Variants in SHROOM3 observed in about 807,000 individuals in gnomAD.
SHROOM3 encodes the protein protein Shroom3.
SHROOM3 carries 47 observed loss-of-function variants against 138.6 expected under a neutral mutation model. That is an observed-to-expected ratio of 0.34 (90% CI 0.27 to 0.43). The LOEUF (loss-of-function observed/expected upper bound fraction) is 0.43, where lower values mean the gene tolerates loss of function less well. SHROOM3 is among the 20% of genes least tolerant of loss of function. The probability of loss-of-function intolerance (pLI) is 1.00; values close to 1 mark genes in which losing one functional copy is unlikely to be tolerated. For synonymous variants in SHROOM3, 1,062 were observed against 1,063.3 expected (o/e 1.00, Z 0.02); for missense variants, 2,491 against 2,596.5 (o/e 0.96, Z 0.88).
At chr4:76,658,999 G>C (rs529034161) in intron 2 of SHROOM3, among the ~76,000 whole-genome samples, 4 of 148,194 alleles carry the variant, frequency 2.7e-5, no homozygotes, top group Non-Finnish European at 5.9e-5. Flanking sequence ...CACTGGTAAA[G>C]CCTTTTCAAA....
rs1465716603 is a variant in SHROOM3 at position 76,435,704 on chromosome 4, T to A, written c.-349T>A. The A allele has an allele frequency of 1.1e-5, 2 of 185,748 alleles. No homozygotes were observed. Among genetic ancestry groups the A allele is most frequent in the African/African-American group, 4.7e-5 (2 of 42,660 alleles). The allele number at this position is 185,748 out of a possible 1,614,324, so 11.5% of individuals were successfully genotyped here. ...GTAAAATAGGCAGAAATGGTTTTAG[T>A]GTGTGTATGTGTGAAATAAAAGCTC... On this transcript the variant is annotated 5_prime_UTR_variant, in exon 1 of 11. Coordinates refer to ENST00000296043, the MANE Select transcript of SHROOM3 (RefSeq NM_020859.4).
chr4:76,625,549 C>G (rs1577928215), intron 2 of SHROOM3, among the ~76,000 whole-genome samples: 1 of 151,218 alleles, frequency 6.6e-6, no homozygotes, highest in East Asian at 2.0e-4. Context: ...CCTCATTGCT[C>G]ACATCTCATC....
chr4:76,452,444 A>G (rs1194143229), intron 1 of SHROOM3, among the ~76,000 whole-genome samples: 1 of 152,332 alleles, frequency 6.6e-6, no homozygotes, highest in East Asian at 1.9e-4. Context: ...TGTCTTCATA[A>G]ACTTGATTAG....
In SHROOM3 at chr4:76,634,984, C is replaced by T. The variant is rs114379069; in HGVS notation, c.324-75172C>T. 7.2e-3 allele frequency among the ~76,000 whole-genome samples: 1,089 copies of T among 152,180 alleles called. 11 individuals carry two copies. The highest frequency in any genetic ancestry group is 0.025 in the African/African-American group (1,044 of 41,502). ...AGCAATAGCATCATTGTATTTACTCCACAGATATTTATTGAGCACCTACTG... is the reference window on the plus strand; with the variant it reads ...AGCAATAGCATCATTGTATTTACTCTACAGATATTTATTGAGCACCTACTG... On this transcript the variant is annotated intron_variant, in intron 2 of 10. Transcript: ENST00000296043.
chr4:76,748,664 A>G (rs1053464419), intron 5 of SHROOM3, among the ~76,000 whole-genome samples: 16 of 152,138 alleles, frequency 1.1e-4, no homozygotes, highest in African/African-American at 3.9e-4. Context: ...AGTTTGGCCC[A>G]TTGAATTCAT....
At chr4:76,725,904 T>C (rs1720690995) in intron 3 of SHROOM3, among the ~76,000 whole-genome samples, 1 of 152,160 alleles carries the variant, frequency 6.6e-6, no homozygotes, top group Non-Finnish European at 1.5e-5. Flanking sequence ...GACACTTGCT[T>C]GAACTTCTCA....
At chr4:76,586,578 C>T (rs975792952) in intron 2 of SHROOM3, 21 of 668,102 alleles carry the variant, frequency 3.1e-5, no homozygotes, top group Non-Finnish European at 3.7e-5. Flanking sequence ...GGAAGTTGTT[C>T]AAGTTAGGCC....
intron 1 of SHROOM3, among the ~76,000 whole-genome samples, chr4:76,450,561 T>A (rs1465877587): frequency 1.3e-5 from 2 of 152,230 alleles, no homozygotes; most frequent in East Asian, 3.8e-4. Flanking sequence ...AAGAAGGAAC[T>A]GAGTTACAAC....
chr4:76,696,410 C>T (rs1223075104), intron 2 of SHROOM3, among the ~76,000 whole-genome samples: 3 of 152,232 alleles, frequency 2.0e-5, no homozygotes, highest in Non-Finnish European at 4.4e-5. Context: ...CCTACTGAGC[C>T]AGGTCTGGCT....
At chr4:76,587,130 T>A (rs1230697383) in intron 2 of SHROOM3, 3 of 152,214 alleles carry the variant, frequency 2.0e-5, no homozygotes, top group African/African-American at 7.2e-5. Context: ...TTCTGATTAA[T>A]CCTTAACTAT....
intron 2 of SHROOM3, among the ~76,000 whole-genome samples, chr4:76,598,412 T>G (rs1249064924): frequency 2.0e-5 from 3 of 152,216 alleles, no homozygotes; most frequent in African/African-American, 4.8e-5. Context: ...GGAGGATGAT[T>G]GTCTTGATCT....
At chr4:76,608,781 T>C (rs948262713) in intron 2 of SHROOM3, among the ~76,000 whole-genome samples, 4 of 152,162 alleles carry the variant, frequency 2.6e-5, no homozygotes, top group African/African-American at 7.2e-5. Flanking sequence ...GGAAAACCCC[T>C]GCTTTACCAC....
At position 76,749,165 on chromosome 4, in the gene SHROOM3, A is replaced by G. The variant is rs536923676; in HGVS notation, c.3827+75A>G. 1.0e-5 allele frequency: 14 copies of G among 1,381,016 alleles called. No individual in the cohort carries two copies. The African/African-American group carries it at 2.0e-4, about 20-fold the overall frequency. 85.5% of individuals were successfully genotyped at this position (1,381,016 alleles called of 1,614,324 possible). ...TAAACTACTCTTGTTCCTTTCTACA[A>G]GAAATTGAAATGTGATGTCATATAG... On this transcript the variant is annotated intron_variant, in intron 6 of 10. Transcript: ENST00000296043.
intron 2 of SHROOM3, among the ~76,000 whole-genome samples, chr4:76,662,648 T>C (rs1048579497): frequency 6.6e-6 from 1 of 152,238 alleles, no homozygotes; most frequent in Non-Finnish European, 1.5e-5. Context: ...TAGCAGTCCA[T>C]GATGAAGTCC....
chr4:76,639,554 G>C (rs1662030645), intron 2 of SHROOM3: 1 of 398,678 alleles, frequency 2.5e-6, no homozygotes. Flanking sequence ...TTGCTGGCCT[G>C]TTGTGGATAT....
At chr4:76,747,009 G>A (rs569166872) in intron 5 of SHROOM3, among the ~76,000 whole-genome samples, 3 of 151,908 alleles carry the variant, frequency 2.0e-5, no homozygotes, top group South Asian at 2.1e-4. Flanking sequence ...TGGTAGAGAC[G>A]GGGTTTCACC....
chr4:76,741,320 C>G lies in SHROOM3; in HGVS notation c.3147C>G (p.Phe1049Leu). ...PLGPQRNGMR[F>L]PESSVADRRR... ...GCCCGCAGAGAAATGGGATGCGTTT[C>G]CCGGAGAGCAGCGTGGCCGACCGGC... is the stretch of plus-strand genomic sequence containing the variant. Residue 1049 changes from phenylalanine to leucine, a missense_variant, in exon 5 of 11, where the codon TTC becomes TTG. Around this residue, in one of 4 missense-constraint regions of SHROOM3, gnomAD observed 1,733 missense variants for 1,661.6 expected, o/e 1.04. Transcript: ENST00000296043. The surrounding 1 kb of genome is among the most constrained non-coding windows in gnomAD (Gnocchi z 6.2). 1.2e-6 allele frequency: 2 copies of G among 1,611,836 alleles called. No homozygotes were observed. The highest frequency in any genetic ancestry group is 2.2e-5 in the South Asian group (2 of 90,998).
At position 76,741,697 on chromosome 4, in the gene SHROOM3, C is replaced by T; in HGVS notation, c.3524C>T (p.Ala1175Val). The T allele has an allele frequency of 6.4e-7, 1 of 1,551,926 alleles. No homozygotes were observed. The highest frequency in any genetic ancestry group is 8.7e-7 in the Non-Finnish European group (1 of 1,149,688). The change falls in exon 5 of 11, where the codon GCC becomes GTC. Residue 1175 changes from alanine to valine, a missense_variant. Transcript: ENST00000296043. The surrounding 1 kb of genome is among the most constrained non-coding windows in gnomAD (Gnocchi z 6.2). ...QAPRDRSSSF[A>V]GGRRLGERRR... ...CCCCGAGATCGCAGCAGCTCCTTCG[C>T]CGGTGGCCGCCGCCTCGGGGAACGG...
chr4:76,689,472 G>T, intron 2 of SHROOM3: 1 of 961,604 alleles, frequency 1.0e-6, no homozygotes, highest in Non-Finnish European at 1.2e-6. Flanking sequence ...TCGGCGCGCC[G>T]CGCGGGATCA....
Sources: gnomAD v4.1 joint callset for allele counts (sites outside exome capture counted in the v4.1 genomes callset) on GRCh38, gnomAD v4.1.1 for gene constraint, gnomAD v4.1.1 regional missense constraint, Gnocchi (gnomAD v3.1) non-coding constraint, MANE v1.5 for transcripts, NCBI Gene and HGNC (gene_info 2026-07-23, HGNC 2026-07-21) for gene names.